Variants in IFIH1 observed in about 807,000 individuals in gnomAD.
IFIH1 encodes the protein interferon-induced helicase C domain-containing protein 1.
IFIH1 carries 125 observed loss-of-function variants against 107.4 expected under a neutral mutation model. The observed-to-expected ratio is 1.16, with a 90% CI of 1.01 to 1.35. The LOEUF (loss-of-function observed/expected upper bound fraction) is 1.35, where lower values mean the gene tolerates loss of function less well. IFIH1 is among the 40% of genes most tolerant of loss of function. The pLI, the probability that IFIH1 is intolerant of heterozygous loss-of-function variation, is 0.00. For missense variants in IFIH1, 1,333 were observed against 1,213.7 expected (o/e 1.10, Z -1.46); for synonymous variants, 458 against 413.2 (o/e 1.11, Z -1.31).
intron 3 of IFIH1, among the ~76,000 whole-genome samples, chr2:162,305,861 T>C (rs1027135242): frequency 6.6e-6 from 1 of 152,240 alleles, no homozygotes; most frequent in Admixed American, 6.5e-5. Context: ...ACGGTGGGAA[T>C]GCTGTATAAA....
At chr2:162,297,952 A>G (rs1683123715) in intron 3 of IFIH1, among the ~76,000 whole-genome samples, 1 of 152,150 alleles carries the variant, frequency 6.6e-6, no homozygotes, top group South Asian at 2.1e-4. Flanking sequence ...TATTAACTGA[A>G]ATCCAAGAAA....
At chr2:162,289,473 A>G (rs947614718) in intron 4 of IFIH1, among the ~76,000 whole-genome samples, 1 of 151,908 alleles carries the variant, frequency 6.6e-6, no homozygotes, top group Non-Finnish European at 1.5e-5. Context: ...GACTTATATA[A>G]TAAGAAGAAA....
chr2:162,288,954 C>G (rs10555400), intron 4 of IFIH1, among the ~76,000 whole-genome samples: 53,866 of 149,382 alleles, frequency 0.36, 11,774 homozygotes, highest in Non-Finnish European at 0.51. Context: ...CACACACACA[C>G]ACAGACACCC....
intron 1 of IFIH1, among the ~76,000 whole-genome samples, chr2:162,311,363 G>A (rs1373966592): frequency 6.6e-6 from 1 of 152,004 alleles, no homozygotes; most frequent in Non-Finnish European, 1.5e-5. Flanking sequence ...TATGGAGTCT[G>A]TAAATGGGAA....
At chr2:162,280,987 C>T (rs977266680) in intron 7 of IFIH1, among the ~76,000 whole-genome samples, 1 of 151,970 alleles carries the variant, frequency 6.6e-6, no homozygotes, top group South Asian at 2.1e-4. Flanking sequence ...TTATGTGTGA[C>T]AACTAGAAAC....
chr2:162,297,985 A>C (rs975894005), intron 3 of IFIH1, among the ~76,000 whole-genome samples: 1 of 152,182 alleles, frequency 6.6e-6, no homozygotes, highest in Non-Finnish European at 1.5e-5. Context: ...CATACTCTAG[A>C]CCTTAAATAC....
Position 162,318,159 on chromosome 2 carries a change from AC to A in IFIH1, c.148del (p.Val50SerfsTer14). On this transcript the variant is annotated frameshift_variant, in exon 1 of 16. Coordinates refer to ENST00000649979, the MANE Select transcript of IFIH1 (RefSeq NM_022168.4). LOFTEE classifies it high-confidence loss of function. ...TGCCTGCATGTTCCCGGAGGTGGCG[AC>A]TGTCCTCTGAATCTGCTCCTTCACC... ...AEVKEQIQRT[V>X]ATSGNMQAVE... 6.2e-7 allele frequency: 1 copy of A among 1,614,154 alleles called. No homozygotes were observed. The highest frequency in any genetic ancestry group is 1.1e-5 in the South Asian group (1 of 91,084).
intron 8 of IFIH1, among the ~76,000 whole-genome samples, chr2:162,279,435 G>A (rs1682768185): frequency 6.6e-6 from 1 of 151,928 alleles, no homozygotes; most frequent in South Asian, 2.1e-4. Context: ...TAATTTACTG[G>A]CCATAATGTC....
At position 162,318,437 on chromosome 2, in the gene IFIH1, A is replaced by G. The variant is rs1683559335; in HGVS notation, c.-130T>C. 1 of 765,260 alleles carries G rather than the reference A, an allele frequency of 1.3e-6. No homozygotes were observed. Among genetic ancestry groups the G allele is most frequent in the African/African-American group, 1.7e-5 (1 of 57,356 alleles). 47.4% of individuals were successfully genotyped at this position (765,260 alleles called of 1,614,324 possible). A position where few individuals can be genotyped will look rare whatever the true frequency, so the allele number is the denominator to read the frequency against. On this transcript the variant is annotated 5_prime_UTR_variant, in exon 1 of 16. Transcript: ENST00000649979. ...CAGGGTCTACCGCTCTGTGCCTGAC[A>G]ATGACGAGGTTGTCCACAGGGCTCT... is the stretch of plus-strand genomic sequence containing the variant.
chr2:162,309,265 A>C (rs1439523257), intron 2 of IFIH1, among the ~76,000 whole-genome samples: 1 of 152,192 alleles, frequency 6.6e-6, no homozygotes, highest in Non-Finnish European at 1.5e-5. Context: ...CTCCATCCAC[A>C]CAGCTTTCTG....
intron 3 of IFIH1, among the ~76,000 whole-genome samples, chr2:162,305,341 G>A (rs539610813): frequency 6.6e-6 from 1 of 152,164 alleles, no homozygotes; most frequent in Non-Finnish European, 1.5e-5. Flanking sequence ...AGGCCGAGTG[G>A]GGGGGATCAC....
chr2:162,268,764 A>G (rs1436660447), intron 13 of IFIH1, among the ~76,000 whole-genome samples: 3 of 151,856 alleles, frequency 2.0e-5, no homozygotes, highest in Non-Finnish European at 4.4e-5. Context: ...TAATTTTCAT[A>G]TTTTTAGTAG....
intron 13 of IFIH1, 64 bp downstream of exon 13, chr2:162,272,162 A>G (rs1691051787): frequency 9.8e-6 from 13 of 1,332,210 alleles, no homozygotes; most frequent in Non-Finnish European, 1.4e-5. Flanking sequence ...TCACAGAGAT[A>G]TCAATGGCAA....
chr2:162,277,548 C>T lies in IFIH1; in HGVS notation c.1911G>A (p.Lys637=), dbSNP rs2105197641. The T allele has an allele frequency of 6.2e-7, 1 of 1,600,942 alleles. No homozygotes were observed. The highest frequency in any genetic ancestry group is 8.6e-7 in the Non-Finnish European group (1 of 1,168,218). The stretch of plus-strand genomic sequence containing the variant: ...CACTATCATCTTCTATGACTGCAAA[C>T]TTCTTATCTTTCTCTTCATTATAGA... The part of the protein sequence containing the change: ...ETFYNEEKDK[K]FAVIEDDSDE... The change falls in exon 10 of 16, where the codon AAG becomes AAA. Residue 637 remains lysine, a synonymous_variant. Transcript: ENST00000649979.
Position 162,282,461 on chromosome 2 carries a change from A to G in IFIH1, c.1211T>C (p.Val404Ala), listed in dbSNP as rs111797285. The change falls in exon 6 of 16, where the codon GTC (valine) becomes GCC (alanine). Residue 404 changes from valine (V) to alanine (A), a missense_variant. Val to Ala is a moderately conservative substitution (Grantham distance 64). Coordinates refer to ENST00000649979, the MANE Select transcript of IFIH1 (RefSeq NM_022168.4). ...ACTGATAATAATATCACAGGACTTG[A>G]CAACTTCTGGAAATGATATTTTCAG... The part of the protein sequence containing the change: ...TQLKISFPEV[V>A]KSCDIIISTA... 2 of 1,611,600 alleles carry G rather than the reference A, an allele frequency of 1.2e-6. No individual in the cohort carries two copies. The highest frequency in any genetic ancestry group is 1.1e-5 in the South Asian group (1 of 91,012).
chr2:162,291,172 TC>T (rs1278920142), intron 4 of IFIH1, among the ~76,000 whole-genome samples: 3 of 151,688 alleles, frequency 2.0e-5, no homozygotes, highest in Non-Finnish European at 4.4e-5. Flanking sequence ...ATATAAATGG[TC>T]AAAAAAGAAA....
chr2:162,274,075 C>G, intron 11 of IFIH1, 131 bp from the exon 12 acceptor site: 1 of 592,888 alleles, frequency 1.7e-6, no homozygotes, highest in Non-Finnish European at 2.8e-6. Context: ...GGATTTGTTG[C>G]CATCTGTTTT....
chr2:162,281,467 A>T lies in IFIH1; in HGVS notation c.1385T>A (p.Leu462Ter), dbSNP rs779927507. 2 of 1,612,358 alleles carry T rather than the reference A, an allele frequency of 1.2e-6. No individual in the cohort carries two copies. The highest frequency in any genetic ancestry group is 1.7e-6 in the Non-Finnish European group (2 of 1,178,898). ...TCTATTGTTTTTCAACTTCTGCATC[A>T]AATAATGCCTCATGATGTTATTATA... is the stretch of plus-strand genomic sequence containing the variant. The part of the protein sequence containing the change: ...AVYNNIMRHY[L>*]MQKLKNNRLK... The change falls in exon 7 of 16, where the codon TTG becomes TAG. Residue 462 changes from leucine (L) to a stop codon, truncating the protein, a stop_gained. Coordinates refer to ENST00000649979, the MANE Select transcript of IFIH1 (RefSeq NM_022168.4). LOFTEE classifies it high-confidence loss of function.
intron 3 of IFIH1, among the ~76,000 whole-genome samples, chr2:162,299,220 A>C (rs796160605): frequency 7.2e-5 from 11 of 152,332 alleles, no homozygotes; most frequent in African/African-American, 2.4e-4. Flanking sequence ...GGAGGCAAAA[A>C]GTCCTAGAGT....
Sources: allele counts gnomAD v4.1 joint callset (sites outside exome capture counted in the v4.1 genomes callset), GRCh38; gene constraint gnomAD v4.1.1; transcripts MANE v1.5; gene names NCBI Gene and HGNC (gene_info 2026-07-23, HGNC 2026-07-21).